The following CDH13 variants were observed in gnomAD, a reference collection of about 807,000 sequenced individuals.
The protein encoded by CDH13 is cadherin-13.
A neutral mutation model predicts 63.8 loss-of-function variants in CDH13; 24 were observed. The observed-to-expected ratio is 0.38, with a 90% CI of 0.27 to 0.53. The LOEUF (loss-of-function observed/expected upper bound fraction) is 0.53. Among genes scored for constraint, CDH13 ranks in the 20% least tolerant of loss-of-function variants. The probability of loss-of-function intolerance (pLI) is 0.85; values close to 1 mark genes in which losing one functional copy is unlikely to be tolerated. For missense variants in CDH13, 1,049 were observed against 903.1 expected (o/e 1.16, Z -2.07); for synonymous variants, 503 against 355.3 (o/e 1.42, Z -4.67).
chr16:82,632,650 A>C (rs535218752), intron 1 of CDH13, among the ~76,000 whole-genome samples: 1 of 152,328 alleles, frequency 6.6e-6, no homozygotes, highest in East Asian at 1.9e-4. Flanking sequence ...GCAGTCCTCA[A>C]CCATTTTGGT....
At chr16:83,318,246 T>G (rs2090146718) in intron 5 of CDH13, among the ~76,000 whole-genome samples, 1 of 152,218 alleles carries the variant, frequency 6.6e-6, no homozygotes, top group Non-Finnish European at 1.5e-5. Context: ...TACTGTGTTT[T>G]CCTGAGTGTG....
At chr16:82,780,210 G>A (rs570633108) in intron 1 of CDH13, among the ~76,000 whole-genome samples, 4 of 152,144 alleles carry the variant, frequency 2.6e-5, no homozygotes, top group Admixed American at 1.3e-4. Context: ...CACATATGTC[G>A]ACCCACAAGT....
rs142770113 is a variant in CDH13 at position 82,994,941 on chromosome 16, G to T, written c.158-37069G>T. Among the ~76,000 whole-genome samples, 54 of 152,264 alleles carry T rather than the reference G, an allele frequency of 3.5e-4. 1 individual carries two copies. In the East Asian group the frequency reaches 8.5e-3, roughly 24 times the overall value. ...TCGGGCAAGTTTCTGAACTTGATGC[G>T]GCTCCATTTCTTCATGGGTAAAATT... On this transcript the variant is annotated intron_variant, in intron 2 of 13. Transcript: ENST00000567109.
chr16:83,444,932 C>T (rs2072627891), intron 6 of CDH13, among the ~76,000 whole-genome samples: 1 of 84,300 alleles, frequency 1.2e-5, no homozygotes, highest in African/African-American at 4.7e-5. Context: ...GCCTCTGTTC[C>T]CACGTTGCAG....
intron 1 of CDH13, among the ~76,000 whole-genome samples, chr16:82,698,051 GATGAATGAATGA>G (rs1009207680): frequency 1.3e-5 from 2 of 152,022 alleles, no homozygotes; most frequent in Non-Finnish European, 2.9e-5. Flanking sequence ...CTGTTGAATG[GATGAATGAATGA>G]ATGAATGAAT....
chr16:83,108,795 G>A (rs1204140910), intron 3 of CDH13, among the ~76,000 whole-genome samples: 1 of 152,136 alleles, frequency 6.6e-6, no homozygotes, highest in African/African-American at 2.4e-5. Flanking sequence ...CACAAGCCTA[G>A]AGAATGTGTA....
intron 6 of CDH13, among the ~76,000 whole-genome samples, chr16:83,373,548 A>T (rs914721705): frequency 6.6e-6 from 1 of 152,138 alleles, no homozygotes; most frequent in Non-Finnish European, 1.5e-5. Flanking sequence ...GGCTATGGGG[A>T]TGGCAGGGAG....
At chr16:82,820,037 G>C (rs910199443) in intron 1 of CDH13, among the ~76,000 whole-genome samples, 3 of 152,124 alleles carry the variant, frequency 2.0e-5, no homozygotes, top group African/African-American at 7.2e-5. Flanking sequence ...AGACGAGCCA[G>C]GAGGGTTCCT....
intron 2 of CDH13, among the ~76,000 whole-genome samples, chr16:82,870,883 G>T (rs2040320598): frequency 6.6e-6 from 1 of 152,216 alleles, no homozygotes; most frequent in South Asian, 2.1e-4. Context: ...ACAGCATAGG[G>T]ATGATTGTAG....
At chr16:83,255,201 C>A (rs1906107418) in intron 5 of CDH13, among the ~76,000 whole-genome samples, 1 of 152,004 alleles carries the variant, frequency 6.6e-6, no homozygotes. Flanking sequence ...CTAATTGTGC[C>A]AAGTATGGGC....
At chr16:83,591,712 C>T (rs1326234427) in intron 7 of CDH13, among the ~76,000 whole-genome samples, 1 of 152,214 alleles carries the variant, frequency 6.6e-6, no homozygotes, top group Non-Finnish European at 1.5e-5. Flanking sequence ...CCGAAGCACT[C>T]CCAGTTAGTA....
chr16:82,788,242 C>T (rs959725815), intron 1 of CDH13, among the ~76,000 whole-genome samples: 4 of 152,172 alleles, frequency 2.6e-5, no homozygotes, highest in Non-Finnish European at 4.4e-5. Flanking sequence ...GTTCTCAAAT[C>T]CAGCAGCCTT....
chr16:82,838,010 C>A (rs918659), intron 1 of CDH13, among the ~76,000 whole-genome samples: 1 of 152,012 alleles, frequency 6.6e-6, no homozygotes, highest in East Asian at 1.9e-4. Flanking sequence ...CCCCTACTAA[C>A]TCTCTGGCTT....
At chr16:82,672,514 T>C (rs1913373760) in intron 1 of CDH13, among the ~76,000 whole-genome samples, 1 of 152,038 alleles carries the variant, frequency 6.6e-6, no homozygotes, top group Admixed American at 6.6e-5. Flanking sequence ...ATCACCCGGA[T>C]TCGAAACGTC....
intron 1 of CDH13, among the ~76,000 whole-genome samples, chr16:82,736,126 G>A (rs1227772623): frequency 6.6e-6 from 1 of 152,184 alleles, no homozygotes; most frequent in Non-Finnish European, 1.5e-5. Context: ...CTGAGGTTTT[G>A]CTTTCTATGT....
At chr16:82,656,181 G>A (rs1255322396) in intron 1 of CDH13, among the ~76,000 whole-genome samples, 2 of 152,110 alleles carry the variant, frequency 1.3e-5, no homozygotes, top group African/African-American at 4.8e-5. Flanking sequence ...ACAAAAGCTG[G>A]CAGTGTGGGA....
chr16:83,673,971 C>T (rs1278027021), intron 9 of CDH13, among the ~76,000 whole-genome samples: 3 of 152,132 alleles, frequency 2.0e-5, no homozygotes, highest in Admixed American at 2.0e-4. Context: ...GCAGACTCTC[C>T]CTCACCCCAC....
intron 2 of CDH13, among the ~76,000 whole-genome samples, chr16:82,863,355 T>G (rs2040013188): frequency 6.6e-6 from 1 of 152,184 alleles, no homozygotes; most frequent in Non-Finnish European, 1.5e-5. Flanking sequence ...CCCTGTGCCA[T>G]CTTAGAAACA....
At chr16:83,137,655 T>G (rs1225777099) in intron 4 of CDH13, among the ~76,000 whole-genome samples, 1 of 152,078 alleles carries the variant, frequency 6.6e-6, no homozygotes, top group Non-Finnish European at 1.5e-5. Context: ...TTCGGTGTAA[T>G]TAAGAGATAT....
Sources: allele counts gnomAD v4.1 joint callset (sites outside exome capture counted in the v4.1 genomes callset), GRCh38; gene constraint gnomAD v4.1.1; transcripts MANE v1.5; gene names NCBI Gene and HGNC (gene_info 2026-07-23, HGNC 2026-07-21).